Variants in CDH4 observed in about 807,000 individuals in gnomAD.
CDH4 encodes cadherin-4.
Under a neutral mutation model 86.0 loss-of-function variants are expected in CDH4, and 33 were observed. The ratio of observed to expected loss-of-function variants is 0.38; its 90% confidence interval spans 0.29 to 0.51. CDH4 has a LOEUF of 0.51. Among genes scored for constraint, CDH4 ranks in the 20% least tolerant of loss-of-function variants. CDH4 has a pLI of 0.86. For synonymous variants in CDH4, 555 were observed against 549.4 expected (o/e 1.01, Z -0.14); for missense variants, 1,114 against 1,307.4 (o/e 0.85, Z 2.28).
intron 8 of CDH4, among the ~76,000 whole-genome samples, chr20:61,908,463 G>T (rs558524917): frequency 6.6e-6 from 1 of 152,100 alleles, no homozygotes; most frequent in Admixed American, 6.5e-5. Context: ...CGGGTGGGTC[G>T]GGTGAATCTG....
intron 4 of CDH4, among the ~76,000 whole-genome samples, chr20:61,777,639 T>C (rs1449446829): frequency 1.5e-5 from 2 of 131,492 alleles, no homozygotes; most frequent in Admixed American, 7.6e-5. Context: ...AAAACACACG[T>C]CTACACACGC....
At chr20:61,468,191 G>T (rs1360850252) in intron 2 of CDH4, among the ~76,000 whole-genome samples, 1 of 152,138 alleles carries the variant, frequency 6.6e-6, no homozygotes, top group Non-Finnish European at 1.5e-5. Flanking sequence ...GGAGCCAACT[G>T]ATTCTGTATG....
At chr20:61,318,170 A>G (rs947741) in intron 2 of CDH4, among the ~76,000 whole-genome samples, 141,565 of 152,166 alleles carry the variant, frequency 0.93, 66,689 homozygotes, top group South Asian at 1. Flanking sequence ...GGAACTCACC[A>G]TCCTAATAGA....
chr20:61,484,188 C>T (rs1568861179), intron 2 of CDH4, among the ~76,000 whole-genome samples: 1 of 152,152 alleles, frequency 6.6e-6, no homozygotes, highest in Non-Finnish European at 1.5e-5. Context: ...CCACACTTAC[C>T]ACATAATATT....
chr20:61,914,947 T>C (rs907795429), intron 9 of CDH4, among the ~76,000 whole-genome samples: 2 of 152,048 alleles, frequency 1.3e-5, no homozygotes, highest in African/African-American at 4.8e-5. Flanking sequence ...TTTCTGCACT[T>C]CTCCAGATCT....
chr20:61,661,093 G>GGGCGGC (rs907816921), intron 2 of CDH4, among the ~76,000 whole-genome samples: 1 of 102,206 alleles, frequency 9.8e-6, no homozygotes. Context: ...GCGGGGGGGG[G>GGGCGGC]GGAGACACAG....
intron 2 of CDH4, among the ~76,000 whole-genome samples, chr20:61,272,476 T>C (rs1021891545): frequency 1.3e-5 from 2 of 152,260 alleles, no homozygotes; most frequent in Non-Finnish European, 2.9e-5. Flanking sequence ...AATTGTCTTA[T>C]TGCATTTCTC....
intron 3 of CDH4, among the ~76,000 whole-genome samples, chr20:61,761,338 A>C (rs2088629831): frequency 6.6e-6 from 1 of 152,230 alleles, no homozygotes; most frequent in South Asian, 2.1e-4. Flanking sequence ...AATAGAATTG[A>C]TATTTGGGGA....
chr20:61,616,045 C>T (rs1044249686), intron 2 of CDH4, among the ~76,000 whole-genome samples: 1 of 152,220 alleles, frequency 6.6e-6, no homozygotes, highest in Non-Finnish European at 1.5e-5. Context: ...GGGCCCCCTG[C>T]GTCGTCCTGC....
intron 2 of CDH4, among the ~76,000 whole-genome samples, chr20:61,584,437 GCT>G (rs1436842481): frequency 6.6e-6 from 1 of 151,998 alleles, no homozygotes; most frequent in Non-Finnish European, 1.5e-5. Flanking sequence ...TTCCTTCCTA[GCT>G]CTTCTCGCCC....
At chr20:61,353,484 C>T (rs1207472197) in intron 2 of CDH4, among the ~76,000 whole-genome samples, 5 of 152,044 alleles carry the variant, frequency 3.3e-5, no homozygotes, top group Admixed American at 3.3e-4. Context: ...CCTTAATACA[C>T]TGAGCCTTGC....
At chr20:61,439,605 A>G (rs71323511) in intron 2 of CDH4, among the ~76,000 whole-genome samples, 1,808 of 152,366 alleles carry the variant, frequency 0.012, 16 homozygotes, top group South Asian at 0.024. Flanking sequence ...GAGCATTCCA[A>G]GAGTCCTCTG....
Position 61,392,402 on chromosome 20 carries a change from C to A in CDH4, c.169+137465C>A, listed in dbSNP as rs1013062358. Among the ~76,000 whole-genome samples the A allele has an allele frequency of 1.1e-4, 16 of 152,166 alleles. No individual in the cohort carries two copies. The highest frequency in any genetic ancestry group is 4.6e-4 in the Admixed American group (7 of 15,280). ...ATCACAGGGCGCCACCGGGATGGAA[C>A]GCACGGCGCCCCGACGTGATTTTCC... is the stretch of plus-strand genomic sequence containing the variant. On this transcript the variant is annotated intron_variant, in intron 2 of 15. Transcript: ENST00000614565. The surrounding 1 kb of genome is among the most constrained non-coding windows in gnomAD (Gnocchi z 5.7).
chr20:61,506,633 T>C (rs1480359715), intron 2 of CDH4, among the ~76,000 whole-genome samples: 1 of 152,226 alleles, frequency 6.6e-6, no homozygotes, highest in Non-Finnish European at 1.5e-5. Flanking sequence ...GTGCAGATCA[T>C]GTTGCTGTAT....
intron 2 of CDH4, among the ~76,000 whole-genome samples, chr20:61,451,439 A>G (rs895493907): frequency 3.3e-5 from 5 of 152,190 alleles, no homozygotes; most frequent in Non-Finnish European, 5.9e-5. Context: ...CAAAATGGGT[A>G]TAATAATACC....
chr20:61,542,833 C>T (rs571438613), intron 2 of CDH4, among the ~76,000 whole-genome samples: 94 of 152,306 alleles, frequency 6.2e-4, no homozygotes, highest in African/African-American at 2.2e-3. Flanking sequence ...CTCAGGATCA[C>T]AAGGTGAAGT....
At chr20:61,293,748 G>GGT (rs1461607679) in intron 2 of CDH4, among the ~76,000 whole-genome samples, 2 of 152,196 alleles carry the variant, frequency 1.3e-5, no homozygotes, top group Admixed American at 1.3e-4. Context: ...TCAGCCTGGA[G>GGT]GTGCTCTTGC....
chr20:61,395,616 CA>C lies in CDH4; in HGVS notation c.169+140684del, dbSNP rs538546518. On this transcript the variant is annotated intron_variant, in intron 2 of 15. Coordinates refer to ENST00000614565, the MANE Select transcript of CDH4 (RefSeq NM_001794.5). ...GCAACATGGTGAGACCCCATCTCTA[CA>C]AAAATCACAAGCATTAGTTGGGCAT... Among the ~76,000 whole-genome samples, 4 of 152,074 alleles carry C rather than the reference CA, an allele frequency of 2.6e-5. No individual in the cohort carries two copies. The South Asian group carries it at 8.3e-4, about 32-fold the overall frequency.
chr20:61,443,641 A>G (rs543527684), intron 2 of CDH4, among the ~76,000 whole-genome samples: 1 of 152,308 alleles, frequency 6.6e-6, no homozygotes. Context: ...AAGCTGCTGG[A>G]GCAGATGTTA....
Sources: allele counts gnomAD v4.1 joint callset (sites outside exome capture counted in the v4.1 genomes callset), GRCh38; gene constraint gnomAD v4.1.1; non-coding constraint Gnocchi (gnomAD v3.1); transcripts MANE v1.5; gene names NCBI Gene and HGNC (gene_info 2026-07-23, HGNC 2026-07-21).